ERC2: variants seen among roughly 807,000 people sequenced by gnomAD.
ERC2 encodes ELKS/RAB6-interacting/CAST family member 2.
ERC2 carries 42 observed loss-of-function variants against 114.8 expected under a neutral mutation model. The ratio of observed to expected loss-of-function variants is 0.37; its 90% confidence interval spans 0.29 to 0.47. The LOEUF is 0.47. Among genes scored for constraint, ERC2 ranks in the 20% least tolerant of loss-of-function variants. The probability of loss-of-function intolerance (pLI) is 0.99; values close to 1 mark genes in which losing one functional copy is unlikely to be tolerated. For synonymous variants in ERC2, 454 were observed against 425.5 expected, an observed-to-expected ratio of 1.07 and a Z score of -0.82; for missense variants, 939 against 1,150.7, an observed-to-expected ratio of 0.82 and a Z score of 2.66.
chr3:55,606,115 T>C lies in ERC2; in HGVS notation c.*39+77679A>G, dbSNP rs1410882419. On this transcript the variant is annotated intron_variant, in intron 17 of 17. Coordinates refer to ENST00000288221, the MANE Select transcript of ERC2 (RefSeq NM_015576.3). ...TTCGGTTTCCATGTACCAATGTCCATCTACTCAGAAATCATGATTGCAGGC... is the reference window on the plus strand; with the variant it reads ...TTCGGTTTCCATGTACCAATGTCCACCTACTCAGAAATCATGATTGCAGGC... Among the ~76,000 whole-genome samples the C allele has an allele frequency of 2.0e-5, 3 of 152,138 alleles. No homozygotes were observed. In the East Asian group the frequency reaches 5.8e-4, roughly 29 times the overall value.
intron 14 of ERC2, among the ~76,000 whole-genome samples, chr3:55,846,510 C>T (rs2061367906): frequency 6.6e-6 from 1 of 152,082 alleles, no homozygotes. Context: ...TGGATATATA[C>T]CCAGTAATGA....
Position 56,088,798 on chromosome 3 carries a change from G to A in ERC2, c.1474-7814C>T, listed in dbSNP as rs190752051. 4.0e-3 allele frequency among the ~76,000 whole-genome samples: 609 copies of A among 152,230 alleles called. 6 individuals are homozygous for A. Among genetic ancestry groups the A allele is most frequent in the Admixed American group, 3.8e-3 (58 of 15,282 alleles). ...TACGTCCTTCATTGAGTTATTTTGA[G>A]TATTAAATTAAATAACACATGTAAA... On this transcript the variant is annotated intron_variant, in intron 6 of 17. Transcript: ENST00000288221.
intron 2 of ERC2, among the ~76,000 whole-genome samples, chr3:56,410,934 TATG>T (rs1165548482): frequency 6.6e-6 from 1 of 151,620 alleles, no homozygotes; most frequent in Non-Finnish European, 1.5e-5. Context: ...ACAGTAGGAA[TATG>T]ATATTTATAT....
chr3:55,727,498 T>C (rs2148901389), intron 15 of ERC2, among the ~76,000 whole-genome samples: 1 of 152,364 alleles, frequency 6.6e-6, no homozygotes, highest in Non-Finnish European at 1.5e-5. Context: ...TAATTTGTAC[T>C]GCTCTTTTAC....
At chr3:55,896,073 A>G (rs1051755832) in intron 13 of ERC2, among the ~76,000 whole-genome samples, 2 of 152,084 alleles carry the variant, frequency 1.3e-5, no homozygotes, top group African/African-American at 4.8e-5. Flanking sequence ...TGGTCCTGCT[A>G]TGCATTCCAC....
At chr3:56,147,485 G>A (rs1490306018) in intron 5 of ERC2, among the ~76,000 whole-genome samples, 3 of 151,950 alleles carry the variant, frequency 2.0e-5, no homozygotes, top group African/African-American at 2.4e-5. Flanking sequence ...ACACACACAC[G>A]CACACACGTT....
chr3:55,835,844 C>A (rs1224536621), intron 14 of ERC2, among the ~76,000 whole-genome samples: 1 of 151,728 alleles, frequency 6.6e-6, no homozygotes, highest in African/African-American at 2.4e-5. Flanking sequence ...GATTGTATAT[C>A]TAGAAAACCC....
intron 16 of ERC2, among the ~76,000 whole-genome samples, chr3:55,690,490 C>T (rs995958438): frequency 7.9e-5 from 12 of 152,156 alleles, no homozygotes; most frequent in African/African-American, 2.9e-4. Flanking sequence ...ATCAACCCTC[C>T]AATGTTGCCA....
intron 2 of ERC2, among the ~76,000 whole-genome samples, chr3:56,420,935 G>A (rs953461844): frequency 6.6e-6 from 1 of 151,640 alleles, no homozygotes; most frequent in African/African-American, 2.4e-5. Flanking sequence ...AGAAACTAAG[G>A]GATTTTATAG....
At position 55,875,073 on chromosome 3, in the gene ERC2, C is replaced by T. The variant is rs1026369958; in HGVS notation, c.2564+13316G>A. On this transcript the variant is annotated intron_variant, in intron 14 of 17. Transcript: ENST00000288221. Reference sequence around the variant, plus strand: ...CAGTGATGCTGCTCACAGCAGTCAGCTTCCAGGAAAAATGACCAGGAGAGG... The same window carrying T: ...CAGTGATGCTGCTCACAGCAGTCAGTTTCCAGGAAAAATGACCAGGAGAGG... 7.9e-5 allele frequency among the ~76,000 whole-genome samples: 12 copies of T among 152,176 alleles called. No homozygotes were observed. The South Asian group carries it at 1.4e-3, about 18-fold the overall frequency.
intron 14 of ERC2, among the ~76,000 whole-genome samples, chr3:55,856,662 A>T (rs1041026042): frequency 1.3e-5 from 2 of 152,230 alleles, no homozygotes; most frequent in Non-Finnish European, 2.9e-5. Context: ...TTAAAAAGAA[A>T]AATATCTATA....
intron 7 of ERC2, among the ~76,000 whole-genome samples, chr3:56,038,027 T>C (rs1013232352): frequency 3.3e-5 from 5 of 151,892 alleles, no homozygotes; most frequent in African/African-American, 9.7e-5. Context: ...CCATTCAGGA[T>C]ATAGGCATGA....
chr3:55,753,762 T>C (rs2066875726), intron 14 of ERC2, among the ~76,000 whole-genome samples: 1 of 152,214 alleles, frequency 6.6e-6, no homozygotes, highest in Admixed American at 6.5e-5. Context: ...CAATAATCCA[T>C]TGGCAAGAAA....
intron 17 of ERC2, among the ~76,000 whole-genome samples, chr3:55,565,437 C>T (rs1374147281): frequency 2.6e-5 from 4 of 152,082 alleles, no homozygotes; most frequent in Non-Finnish European, 5.9e-5. Flanking sequence ...AGGTCCAGGC[C>T]ACAGGCAGAG....
At chr3:56,378,351 C>T (rs2059623528) in intron 2 of ERC2, among the ~76,000 whole-genome samples, 1 of 140,052 alleles carries the variant, frequency 7.1e-6, no homozygotes, top group Admixed American at 7.3e-5. Flanking sequence ...TATTCTCACT[C>T]ATAGGTGGGA....
intron 12 of ERC2, among the ~76,000 whole-genome samples, chr3:55,956,444 A>AT (rs11298196): frequency 0.28 from 42,588 of 151,064 alleles, 6,196 homozygotes; most frequent in Admixed American, 0.35. Context: ...AGATTATTTC[A>AT]TTTTTTTTTT....
chr3:55,673,686 C>T (rs2061658418), intron 17 of ERC2, among the ~76,000 whole-genome samples: 1 of 151,944 alleles, frequency 6.6e-6, no homozygotes, highest in Admixed American at 6.6e-5. Flanking sequence ...GAGACAAGTA[C>T]AAAAAAATAA....
chr3:55,685,861 T>C (rs773980870), intron 16 of ERC2, among the ~76,000 whole-genome samples: 3 of 152,228 alleles, frequency 2.0e-5, no homozygotes, highest in Non-Finnish European at 4.4e-5. Flanking sequence ...CAGAGCAGTT[T>C]ATTTCATTTC....
intron 14 of ERC2, among the ~76,000 whole-genome samples, chr3:55,777,450 A>G (rs1235764194): frequency 1.3e-5 from 2 of 152,354 alleles, no homozygotes; most frequent in East Asian, 3.9e-4. Flanking sequence ...CAGAAACAAA[A>G]GTGGGCATAC....
Sources: gnomAD v4.1 joint callset for allele counts (sites outside exome capture counted in the v4.1 genomes callset) on GRCh38, gnomAD v4.1.1 for gene constraint, MANE v1.5 for transcripts, NCBI Gene and HGNC (gene_info 2026-07-23, HGNC 2026-07-21) for gene names.